The following P4HA3 variants were observed in gnomAD, a reference collection of about 807,000 sequenced individuals.
P4HA3 encodes prolyl 4-hydroxylase subunit alpha 3.
P4HA3 carries 60 observed loss-of-function variants against 66.7 expected under a neutral mutation model. That is an observed-to-expected ratio of 0.90 (90% CI 0.73 to 1.12). P4HA3 has a LOEUF of 1.12. Among genes scored for constraint, P4HA3 ranks in the 50% most tolerant of loss-of-function variants. The pLI is 0.00. For missense variants in P4HA3, 683 were observed against 685.8 expected, an observed-to-expected ratio of 1.00 and a Z score of 0.05; for synonymous variants, 263 against 274.6, an observed-to-expected ratio of 0.96 and a Z score of 0.42.
chr11:74,278,921 T>G (rs1591101691), intron 8 of P4HA3, among the ~76,000 whole-genome samples: 2 of 149,554 alleles, frequency 1.3e-5, no homozygotes, highest in African/African-American at 2.5e-5. Flanking sequence ...GCTGGAGGGG[T>G]GGGATAAAGC....
At chr11:74,277,381 T>C (rs1378478085) in intron 8 of P4HA3, among the ~76,000 whole-genome samples, 4 of 152,124 alleles carry the variant, frequency 2.6e-5, no homozygotes, top group African/African-American at 9.7e-5. Flanking sequence ...AGCATTGAGA[T>C]ACAAAGAGGA....
chr11:74,252,645 C>A, intron 15 of P4HA3: 1 of 409,376 alleles, frequency 2.4e-6, no homozygotes, highest in South Asian at 1.7e-5. Flanking sequence ...GGATGCTTAG[C>A]AGTATCCCTG....
chr11:74,267,391 G>A (rs963915561), intron 12 of P4HA3, 73 bp from the exon 13 acceptor site: 30 of 1,557,830 alleles, frequency 1.9e-5, no homozygotes, highest in South Asian at 2.4e-5. Context: ...AGACTGGTGC[G>A]CACTCATAGG....
intron 2 of P4HA3, among the ~76,000 whole-genome samples, chr11:74,303,193 G>A (rs1048628910): frequency 2.0e-5 from 3 of 151,440 alleles, no homozygotes; most frequent in South Asian, 4.2e-4. Context: ...GGCCTCAAGT[G>A]ATCCTTCCAA....
intron 15 of P4HA3, chr11:74,251,505 A>G (rs1456529429): frequency 2.1e-6 from 3 of 1,459,364 alleles, no homozygotes; most frequent in East Asian, 2.5e-5. Flanking sequence ...GGGAGGGCCT[A>G]GGTCCTTTTA....
intron 10 of P4HA3, among the ~76,000 whole-genome samples, chr11:74,273,165 C>A (rs1860265004): frequency 6.6e-6 from 1 of 152,174 alleles, no homozygotes. Flanking sequence ...CCCACAACCT[C>A]ATCTATGGGT....
chr11:74,291,998 T>G (rs929058249), intron 4 of P4HA3, among the ~76,000 whole-genome samples: 1 of 152,214 alleles, frequency 6.6e-6, no homozygotes, highest in Non-Finnish European at 1.5e-5. Flanking sequence ...TTCTATTGAT[T>G]GGAATAGTTT....
chr11:74,279,290 C>T lies in P4HA3; in HGVS notation c.1175+98G>A, dbSNP rs1441175699. 7 of 1,118,492 alleles carry T rather than the reference C, an allele frequency of 6.3e-6. No individual in the cohort carries two copies. The East Asian group carries it at 7.0e-5, about 11-fold the overall frequency. The allele number at this position is 1,118,492 out of a possible 1,614,324, so 69.3% of individuals were successfully genotyped here. ...ATAAACGTGAACTAGGGATTCTCCA[C>T]CTCTGGAGGTCCCTGAATGGCTGTT... is the stretch of plus-strand genomic sequence containing the variant. On this transcript the variant is annotated intron_variant, in intron 8 of 12. Coordinates refer to ENST00000331597, the MANE Select transcript of P4HA3 (RefSeq NM_182904.5).
At chr11:74,267,573 G>A (rs765527418) in intron 12 of P4HA3, among the ~76,000 whole-genome samples, 4 of 152,160 alleles carry the variant, frequency 2.6e-5, no homozygotes, top group African/African-American at 4.8e-5. Context: ...ATTTTCAAAC[G>A]TTTGGGAACT....
intron 15 of P4HA3, chr11:74,253,566 A>G: frequency 6.5e-7 from 1 of 1,548,872 alleles, no homozygotes; most frequent in Non-Finnish European, 8.9e-7. Context: ...ACGTCGCACC[A>G]GAGGCCACTG....
chr11:74,264,127 T>C (rs1859952992), downstream of P4HA3, among the ~76,000 whole-genome samples: 1 of 152,126 alleles, frequency 6.6e-6, no homozygotes, highest in Non-Finnish European at 1.5e-5. Flanking sequence ...AATTAGGCCT[T>C]TCCACTCTAG....
At chr11:74,267,398 T>A in intron 12 of P4HA3, 80 bp from the exon 13 acceptor site, 2 of 1,514,156 alleles carry the variant, frequency 1.3e-6, no homozygotes, top group Non-Finnish European at 1.8e-6. Context: ...TGCGCACTCA[T>A]AGGCGCGTGT....
At chr11:74,259,319 C>T (rs998934729) in intron 15 of P4HA3, among the ~76,000 whole-genome samples, 1 of 152,190 alleles carries the variant, frequency 6.6e-6, no homozygotes, top group Non-Finnish European at 1.5e-5. Flanking sequence ...GCAAAGGTTG[C>T]AGTGAGTGGA....
At chr11:74,305,251 C>T (rs751456736) in intron 1 of P4HA3, among the ~76,000 whole-genome samples, 1 of 151,996 alleles carries the variant, frequency 6.6e-6, no homozygotes, top group Non-Finnish European at 1.5e-5. Flanking sequence ...GAAAGGCTTC[C>T]AAGAAGAGAT....
intron 9 of P4HA3, among the ~76,000 whole-genome samples, chr11:74,276,074 C>T (rs1860382364): frequency 6.6e-6 from 1 of 152,184 alleles, no homozygotes; most frequent in Non-Finnish European, 1.5e-5. Flanking sequence ...ATTGCATGTC[C>T]TCACTTATAA....
intron 4 of P4HA3, among the ~76,000 whole-genome samples, chr11:74,296,303 C>T (rs1011694901): frequency 6.6e-6 from 1 of 152,158 alleles, no homozygotes; most frequent in South Asian, 2.1e-4. Context: ...TGTCTGATTC[C>T]AGAGCCCATA....
At chr11:74,293,719 T>A (rs575182804) in intron 4 of P4HA3, among the ~76,000 whole-genome samples, 3 of 152,210 alleles carry the variant, frequency 2.0e-5, no homozygotes, top group African/African-American at 7.2e-5. Context: ...TTAGTTTGGC[T>A]GGATATGAGA....
intron 15 of P4HA3, chr11:74,251,849 T>A: frequency 9.2e-7 from 1 of 1,088,518 alleles, no homozygotes; most frequent in Non-Finnish European, 1.4e-6. Flanking sequence ...TCCTCCTCAG[T>A]GAAGAGCCTG....
intron 11 of P4HA3, 26 bp downstream of exon 11, chr11:74,269,626 T>C: frequency 6.2e-7 from 1 of 1,606,304 alleles, no homozygotes; most frequent in Non-Finnish European, 8.5e-7. Context: ...CTCAACCCCG[T>C]CTTCTGGGAC....
Sources: allele counts gnomAD v4.1 joint callset (sites outside exome capture counted in the v4.1 genomes callset), GRCh38; gene constraint gnomAD v4.1.1; transcripts MANE v1.5; gene names NCBI Gene and HGNC (gene_info 2026-07-23, HGNC 2026-07-21).